The following PTPRG variants were observed in gnomAD, a reference collection of about 807,000 sequenced individuals.
PTPRG encodes protein tyrosine phosphatase receptor type G.
A neutral mutation model predicts 165.3 loss-of-function variants in PTPRG; 102 were observed. The ratio of observed to expected loss-of-function variants is 0.62; its 90% confidence interval spans 0.53 to 0.73. The LOEUF (loss-of-function observed/expected upper bound fraction) is 0.73, where lower values mean the gene tolerates loss of function less well. PTPRG is among the 30% of genes least tolerant of loss of function. PTPRG has a pLI of 0.00. For synonymous variants in PTPRG, 675 were observed against 669.5 expected (o/e 1.01, Z -0.13); for missense variants, 1,866 against 1,861.4 (o/e 1.00, Z -0.05).
intron 1 of PTPRG, among the ~76,000 whole-genome samples, chr3:61,647,746 C>A (rs2106971220): frequency 7.1e-6 from 1 of 141,386 alleles, no homozygotes; most frequent in East Asian, 2.1e-4. Context: ...GAGCTGAGAT[C>A]ACACCACTGC....
intron 1 of PTPRG, among the ~76,000 whole-genome samples, chr3:61,597,802 G>A (rs1173210853): frequency 1.3e-5 from 2 of 152,176 alleles, no homozygotes; most frequent in Admixed American, 6.6e-5. Flanking sequence ...TGTGAAAATG[G>A]ATAGAGTGAT....
At chr3:61,705,759 A>G (rs77509382) in intron 1 of PTPRG, among the ~76,000 whole-genome samples, 2,046 of 152,304 alleles carry the variant, frequency 0.013, 49 homozygotes, top group African/African-American at 0.046. Context: ...GACTGAATTA[A>G]TGAACAGTGG....
At chr3:61,807,175 A>G (rs575511765) in intron 2 of PTPRG, among the ~76,000 whole-genome samples, 22 of 152,248 alleles carry the variant, frequency 1.4e-4, no homozygotes, top group South Asian at 4.2e-4. Context: ...CTTGTAAATC[A>G]CAAGGAGAGA....
intron 2 of PTPRG, chr3:61,749,238 T>C: frequency 3.6e-6 from 2 of 554,714 alleles, no homozygotes; most frequent in East Asian, 3.8e-5. Context: ...TAATGAGTTA[T>C]TGTACCAAAC....
chr3:61,668,321 T>C (rs1246028635), intron 1 of PTPRG, among the ~76,000 whole-genome samples: 1 of 152,158 alleles, frequency 6.6e-6, no homozygotes, highest in Non-Finnish European at 1.5e-5. Flanking sequence ...TATCAGGCAT[T>C]TGGGGGAAGA....
rs776223150 is a variant in PTPRG, at chr3:61,680,978, G to C, written c.86-67900G>C. 1.8e-4 allele frequency among the ~76,000 whole-genome samples: 11 copies of C among 59,534 alleles called. 2 individuals carry two copies. The highest frequency in any genetic ancestry group is 4.3e-4 in the Non-Finnish European group (10 of 23,094). 39.1% of individuals were successfully genotyped at this position (59,534 alleles called of 152,430 possible). A position where few individuals can be genotyped will look rare whatever the true frequency, so the allele number is the denominator to read the frequency against. On this transcript the variant is annotated intron_variant, in intron 1 of 29. Coordinates refer to ENST00000474889, the MANE Select transcript of PTPRG (RefSeq NM_002841.4). ...CATGGCTTTTAGGTTGTGAATTTTTGTTCCTTTCCAAAACCGGTTTAGATG... is the reference window on the plus strand; with the variant it reads ...CATGGCTTTTAGGTTGTGAATTTTTCTTCCTTTCCAAAACCGGTTTAGATG...
intron 20 of PTPRG, among the ~76,000 whole-genome samples, chr3:62,270,939 A>G (rs975383143): frequency 7.2e-5 from 11 of 152,190 alleles, no homozygotes; most frequent in African/African-American, 2.7e-4. Flanking sequence ...CTTCCTGGAT[A>G]GTTTACAGCA....
At chr3:61,676,631 C>T (rs1019608565) in intron 1 of PTPRG, among the ~76,000 whole-genome samples, 1 of 151,754 alleles carries the variant, frequency 6.6e-6, no homozygotes, top group Non-Finnish European at 1.5e-5. Flanking sequence ...TATATTTTAA[C>T]GTGTTGCGGT....
chr3:61,905,579 T>C (rs777887268), intron 2 of PTPRG, among the ~76,000 whole-genome samples: 20 of 152,240 alleles, frequency 1.3e-4, no homozygotes, highest in Non-Finnish European at 2.4e-4. Flanking sequence ...GTAACACAAA[T>C]TCAATCCCCA....
intron 12 of PTPRG, among the ~76,000 whole-genome samples, chr3:62,205,450 C>A (rs1700204748): frequency 6.6e-6 from 1 of 152,180 alleles, no homozygotes; most frequent in South Asian, 2.1e-4. Context: ...GGTTTGCATT[C>A]TGGTAGGGGA....
intron 2 of PTPRG, among the ~76,000 whole-genome samples, chr3:61,845,928 AAT>A (rs562821278): frequency 8.3e-4 from 127 of 152,204 alleles, no homozygotes; most frequent in African/African-American, 2.9e-3. Flanking sequence ...TGCTTGGTGA[AAT>A]GAACTGTCAA....
intron 3 of PTPRG, among the ~76,000 whole-genome samples, chr3:62,002,618 A>G (rs907135577): frequency 6.6e-6 from 1 of 152,112 alleles, no homozygotes; most frequent in Non-Finnish European, 1.5e-5. Flanking sequence ...TTAGGGTTGG[A>G]ATTTAGTTGA....
At chr3:61,818,731 G>A (rs1480102162) in intron 2 of PTPRG, among the ~76,000 whole-genome samples, 1 of 152,014 alleles carries the variant, frequency 6.6e-6, no homozygotes, top group African/African-American at 2.4e-5. Context: ...ACCAAAATAT[G>A]TGTGATAGGA....
intron 5 of PTPRG, among the ~76,000 whole-genome samples, chr3:62,120,091 A>C (rs1703008850): frequency 6.6e-6 from 1 of 151,778 alleles, no homozygotes; most frequent in African/African-American, 2.4e-5. Flanking sequence ...TTTTGTTTTT[A>C]GTTTTTTGGG....
intron 1 of PTPRG, among the ~76,000 whole-genome samples, chr3:61,674,843 G>A (rs1033805799): frequency 6.6e-6 from 1 of 152,128 alleles, no homozygotes; most frequent in Non-Finnish European, 1.5e-5. Context: ...GTTACAGTAT[G>A]CTTTTTTGCC....
intron 2 of PTPRG, among the ~76,000 whole-genome samples, chr3:61,829,785 C>G (rs73088012): frequency 0.049 from 7,482 of 152,124 alleles, 295 homozygotes; most frequent in East Asian, 0.21. Context: ...GTCATACAGT[C>G]AAGAAAATCA....
At chr3:62,062,913 C>T (rs1220373793) in intron 4 of PTPRG, among the ~76,000 whole-genome samples, 1 of 152,196 alleles carries the variant, frequency 6.6e-6, no homozygotes, top group African/African-American at 2.4e-5. Flanking sequence ...CTCAGCCTCC[C>T]AGAGTGCTGG....
intron 2 of PTPRG, among the ~76,000 whole-genome samples, chr3:61,897,213 T>G (rs1186281255): frequency 6.6e-6 from 1 of 152,120 alleles, no homozygotes; most frequent in Non-Finnish European, 1.5e-5. Context: ...TTCTGAAAAT[T>G]TTATAGTTTT....
intron 28 of PTPRG, among the ~76,000 whole-genome samples, chr3:62,285,097 A>ATGAC (rs1702590864): frequency 6.6e-6 from 1 of 152,090 alleles, no homozygotes; most frequent in African/African-American, 2.4e-5. Context: ...ATTTGTATAC[A>ATGAC]TGACTGTCAC....
Sources: allele counts gnomAD v4.1 joint callset (sites outside exome capture counted in the v4.1 genomes callset), GRCh38; gene constraint gnomAD v4.1.1; transcripts MANE v1.5; gene names NCBI Gene and HGNC (gene_info 2026-07-23, HGNC 2026-07-21).